Variants in KIF13A observed in about 807,000 individuals in gnomAD.
The protein encoded by KIF13A is kinesin-like protein KIF13A.
KIF13A carries 79 observed loss-of-function variants against 212.2 expected under a neutral mutation model. The ratio of observed to expected loss-of-function variants is 0.37; its 90% confidence interval spans 0.31 to 0.45. The LOEUF (loss-of-function observed/expected upper bound fraction) is 0.45. Ranked by LOEUF, KIF13A falls within the 20% of genes least tolerant of loss-of-function variation. The pLI, the probability that KIF13A is intolerant of heterozygous loss-of-function variation, is 1.00. For missense variants in KIF13A, 1,901 were observed against 2,209.0 expected, an observed-to-expected ratio of 0.86 and a Z score of 2.79; for synonymous variants, 789 against 808.6, an observed-to-expected ratio of 0.98 and a Z score of 0.41.
intron 2 of KIF13A, among the ~76,000 whole-genome samples, chr6:17,977,964 A>T (rs1241359100): frequency 6.6e-6 from 1 of 152,368 alleles, no homozygotes; most frequent in East Asian, 1.9e-4. Context: ...TGCAACTTTT[A>T]AAAAAGATAC....
chr6:17,901,281 C>T (rs1472317839), intron 2 of KIF13A, among the ~76,000 whole-genome samples: 3 of 151,800 alleles, frequency 2.0e-5, no homozygotes, highest in South Asian at 2.1e-4. Flanking sequence ...ATCAGTAATA[C>T]TGACACTATA....
At chr6:17,965,111 G>C (rs1486772891) in intron 2 of KIF13A, among the ~76,000 whole-genome samples, 3 of 152,198 alleles carry the variant, frequency 2.0e-5, no homozygotes, top group Admixed American at 6.5e-5. Context: ...ATTAAGGCAT[G>C]AGCCACTGCA....
At chr6:17,894,036 C>T (rs62398170) in intron 3 of KIF13A, among the ~76,000 whole-genome samples, 16 of 151,898 alleles carry the variant, frequency 1.1e-4, no homozygotes, top group Non-Finnish European at 1.9e-4. Context: ...GACAGGGTTT[C>T]ACTGTGTTAG....
intron 11 of KIF13A, among the ~76,000 whole-genome samples, chr6:17,835,076 C>T (rs1765806465): frequency 6.6e-6 from 1 of 151,556 alleles, no homozygotes; most frequent in African/African-American, 2.4e-5. Flanking sequence ...ATCCTAGCTA[C>T]TTGGGAGGCT....
At position 17,900,306 on chromosome 6, in the gene KIF13A, G is replaced by A. The variant is rs973482923; in HGVS notation, c.147-2126C>T. On this transcript the variant is annotated intron_variant, in intron 2 of 38. Transcript: ENST00000259711. The surrounding 1 kb of genome is among the most constrained non-coding windows in gnomAD (Gnocchi z 4.6). ...AGTGCTGGTTTGTAGTCAGTAGTACGTTCACCTTCTTAGCTGTCAATAACA... is the reference window on the plus strand; with the variant it reads ...AGTGCTGGTTTGTAGTCAGTAGTACATTCACCTTCTTAGCTGTCAATAACA... Among the ~76,000 whole-genome samples, 24 of 152,144 alleles carry A rather than the reference G, an allele frequency of 1.6e-4. No individual in the cohort carries two copies. Among genetic ancestry groups the A allele is most frequent in the African/African-American group, 4.8e-4 (20 of 41,430 alleles).
At chr6:17,813,174 A>G (rs1763583605) in intron 17 of KIF13A, among the ~76,000 whole-genome samples, 1 of 152,184 alleles carries the variant, frequency 6.6e-6, no homozygotes, top group Non-Finnish European at 1.5e-5. Flanking sequence ...TTCCAGGTAC[A>G]ATAAAGTATA....
Position 17,794,135 on chromosome 6 carries a change from T to C in KIF13A, c.3222+114A>G, listed in dbSNP as rs149987825. The C allele has an allele frequency of 4.1e-6, 3 of 731,000 alleles. No homozygotes were observed. The highest frequency in any genetic ancestry group is 3.4e-5 in the African/African-American group (2 of 58,096). 45.3% of individuals were successfully genotyped at this position (731,000 alleles called of 1,614,324 possible). ...AAAGGCAATGGATGGAAATGTGAAC[T>C]GGGGGAAGATCTACGGTTAAGGCAA... On this transcript the variant is annotated intron_variant, in intron 25 of 38. Coordinates refer to ENST00000259711, the MANE Select transcript of KIF13A (RefSeq NM_022113.6). The surrounding 1 kb of genome is among the most constrained non-coding windows in gnomAD (Gnocchi z 4.1).
At position 17,825,841 on chromosome 6, in the gene KIF13A, C is replaced by G; in HGVS notation, c.1713G>C (p.Glu571Asp). Residue 571 changes from glutamate to aspartate, a missense_variant, in exon 16 of 39, where the codon GAG (glutamate) becomes GAC (aspartate). By Grantham distance (45) the Glu-to-Asp change is conservative. Transcript: ENST00000259711. This position sits in a 1 kb window ranked among gnomAD's most constrained non-coding sequence, Gnocchi z 4.5. ...PPEHDLDAAS[E>D]ASSEPDYNYE... ...AGTTATAGTCTGGTTCAGAGGAAGCCTCACTGGCTGCATCCAGGTCATGCT... is the reference window on the plus strand; with the variant it reads ...AGTTATAGTCTGGTTCAGAGGAAGCGTCACTGGCTGCATCCAGGTCATGCT... The G allele has an allele frequency of 6.2e-7, 1 of 1,613,962 alleles. No homozygotes were observed. Among genetic ancestry groups the G allele is most frequent in the Non-Finnish European group, 8.5e-7 (1 of 1,179,868 alleles).
intron 16 of KIF13A, among the ~76,000 whole-genome samples, chr6:17,823,522 T>G (rs545611604): frequency 1.1e-4 from 17 of 150,816 alleles, no homozygotes; most frequent in Non-Finnish European, 1.9e-4. Flanking sequence ...GGCTGGAGTG[T>G]AGTCGTGTGA....
chr6:17,925,317 G>A (rs1044765737), intron 2 of KIF13A, among the ~76,000 whole-genome samples: 27 of 152,236 alleles, frequency 1.8e-4, no homozygotes, highest in African/African-American at 6.0e-4. Flanking sequence ...TCGCTTGAGC[G>A]GGAGGAAGAA....
intron 2 of KIF13A, among the ~76,000 whole-genome samples, chr6:17,965,154 CAT>C (rs1265758372): frequency 3.9e-5 from 6 of 152,280 alleles, no homozygotes; most frequent in African/African-American, 9.6e-5. Context: ...AAAGGAAACA[CAT>C]GTGTCCCAAA....
At chr6:17,848,438 T>C (rs1767284346) in intron 9 of KIF13A, among the ~76,000 whole-genome samples, 2 of 152,124 alleles carry the variant, frequency 1.3e-5, no homozygotes, top group South Asian at 4.1e-4. Flanking sequence ...GTAACCACTA[T>C]TCTACTTTCT....
rs1157913986 is a variant in KIF13A, at chr6:17,773,521, A to G, written c.4281T>C (p.Cys1427=). The G allele has an allele frequency of 6.2e-7, 1 of 1,611,914 alleles. No homozygotes were observed. The highest frequency in any genetic ancestry group is 8.5e-7 in the Non-Finnish European group (1 of 1,178,346). ...DYSSSYQDVA[C]YGTLPRDSPR... ...GAGAATCCCTGGGTAAAGTTCCATA[A>G]CATGCTACATCTTGGTAACTGGAGC... is the stretch of plus-strand genomic sequence containing the variant. Residue 1427 remains cysteine (C), a synonymous_variant, in exon 36 of 39, where the codon TGT becomes TGC. Transcript: ENST00000259711. This position sits in a 1 kb window ranked among gnomAD's most constrained non-coding sequence, Gnocchi z 4.2.
At chr6:17,906,211 C>T (rs1773484018) in intron 2 of KIF13A, among the ~76,000 whole-genome samples, 2 of 152,144 alleles carry the variant, frequency 1.3e-5, no homozygotes, top group Admixed American at 6.5e-5. Context: ...AGAGACATGC[C>T]ACCAAGTTTG....
At position 17,883,237 on chromosome 6, in the gene KIF13A, C is replaced by T. The variant is rs1771240882; in HGVS notation, c.160-9800G>A. 6.6e-6 allele frequency among the ~76,000 whole-genome samples: 1 copy of T among 152,090 alleles called. No homozygotes were observed. Among genetic ancestry groups the T allele is most frequent in the African/African-American group, 2.4e-5 (1 of 41,400 alleles). ...GGGCATGTGCCTATAGTCCCAGATA[C>T]TCAGGAGGCTGAAGCAAGAGGACTG... On this transcript the variant is annotated intron_variant, in intron 3 of 38. Transcript: ENST00000259711. The surrounding 1 kb of genome is among the most constrained non-coding windows in gnomAD (Gnocchi z 4.8).
At position 17,984,561 on chromosome 6, in the gene KIF13A, A is replaced by G; in HGVS notation, c.146+2493T>C. 1.0e-6 allele frequency: 1 copy of G among 985,106 alleles called. No homozygotes were observed. Among genetic ancestry groups the G allele is most frequent in the Middle Eastern group, 5.2e-4 (1 of 1,914 alleles). The allele number at this position is 985,106 out of a possible 1,614,324, so 61.0% of individuals were successfully genotyped here. On this transcript the variant is annotated intron_variant, in intron 2 of 38. Transcript: ENST00000259711. This position sits in a 1 kb window ranked among gnomAD's most constrained non-coding sequence, Gnocchi z 5.0. ...TTGGCTTTGGTTTTGTAAAATGGGG[A>G]AACAATGAAAGCTGACCCCATCTGT...
In KIF13A at chr6:17,951,845, TC is replaced by T. The variant is rs545848519; in HGVS notation, c.146+35208del. Among the ~76,000 whole-genome samples, 142 of 152,346 alleles carry T rather than the reference TC, an allele frequency of 9.3e-4. 2 individuals carry two copies. Among genetic ancestry groups the T allele is most frequent in the African/African-American group, 3.2e-3 (135 of 41,586 alleles). On this transcript the variant is annotated intron_variant, in intron 2 of 38. Transcript: ENST00000259711. The surrounding 1 kb of genome is among the most constrained non-coding windows in gnomAD (Gnocchi z 4.9). ...ACTGTATGAATATATCACATATTCT[TC>T]ATCAGTTGATGGACATTTGGTGACT...
rs139249339 is a variant in KIF13A at position 17,915,700 on chromosome 6, G to A, written c.147-17520C>T. ...GTTCAGGCCAGGCACAGTGGCTCAC[G>A]CCTGTAATCGCAGCACTTTGGGAGG... On this transcript the variant is annotated intron_variant, in intron 2 of 38. Transcript: ENST00000259711. The surrounding 1 kb of genome is among the most constrained non-coding windows in gnomAD (Gnocchi z 4.4). Among the ~76,000 whole-genome samples, 32 of 152,232 alleles carry A rather than the reference G, an allele frequency of 2.1e-4. 1 individual carries two copies. The East Asian group carries it at 5.6e-3, about 27-fold the overall frequency.
At chr6:17,985,644 G>C in intron 2 of KIF13A, among the ~76,000 whole-genome samples, 2 of 92,834 alleles carry the variant, frequency 2.2e-5, no homozygotes, top group Non-Finnish European at 3.9e-5. Flanking sequence ...GGGGGGTGGG[G>C]GGAGGGGACA....
Sources: gnomAD v4.1 joint callset for allele counts (sites outside exome capture counted in the v4.1 genomes callset) on GRCh38, gnomAD v4.1.1 for gene constraint, Gnocchi (gnomAD v3.1) non-coding constraint, MANE v1.5 for transcripts, NCBI Gene and HGNC (gene_info 2026-07-23, HGNC 2026-07-21) for gene names.